Variants in TLN2 observed in about 807,000 individuals in gnomAD.
TLN2 encodes the protein talin 2, also known as talin-2.
Under a neutral mutation model 294.7 loss-of-function variants are expected in TLN2, and 118 were observed. The ratio of observed to expected loss-of-function variants is 0.40; its 90% confidence interval spans 0.34 to 0.47. TLN2 has a LOEUF of 0.47. Ranked by LOEUF, TLN2 falls within the 20% of genes least tolerant of loss-of-function variation. The probability of loss-of-function intolerance (pLI) is 0.84; values close to 1 mark genes in which losing one functional copy is unlikely to be tolerated. For synonymous variants in TLN2, 1,431 were observed against 1,304.5 expected, an observed-to-expected ratio of 1.10 and a Z score of -2.09; for missense variants, 3,083 against 3,282.2, an observed-to-expected ratio of 0.94 and a Z score of 1.48.
At chr15:62,804,720 T>C (rs1010580116) in intron 50 of TLN2, among the ~76,000 whole-genome samples, 5 of 152,174 alleles carry the variant, frequency 3.3e-5, no homozygotes, top group Admixed American at 6.5e-5. Flanking sequence ...TAATTGCAGT[T>C]GCCCATTTTC....
intron 44 of TLN2, among the ~76,000 whole-genome samples, chr15:62,782,028 A>G (rs1553103): frequency 0.98 from 149,738 of 152,374 alleles, 73,622 homozygotes; most frequent in Middle Eastern, 1. Flanking sequence ...CTCAGATGCC[A>G]TAAGATAAAA....
At chr15:62,702,979 CG>C in intron 19 of TLN2, 115 bp downstream of exon 19, 1 of 929,924 alleles carries the variant, frequency 1.1e-6, no homozygotes, top group African/African-American at 1.6e-5. Context: ...GTCAAGAATG[CG>C]ATTGAGATGG....
chr15:62,659,173 T>C (rs1346264626), intron 9 of TLN2, among the ~76,000 whole-genome samples: 1 of 152,206 alleles, frequency 6.6e-6, no homozygotes, highest in African/African-American at 2.4e-5. Flanking sequence ...CAACTAGTTC[T>C]CAGGACTCCC....
intron 45 of TLN2, chr15:62,784,273 G>T (rs1412315053): frequency 2.6e-5 from 9 of 345,732 alleles, no homozygotes; most frequent in Non-Finnish European, 4.7e-5. Flanking sequence ...GTTTTCCATA[G>T]GTTCACAGAA....
chr15:62,526,064 A>AT (rs532598294), intron 1 of TLN2, among the ~76,000 whole-genome samples: 4,934 of 152,224 alleles, frequency 0.032, 123 homozygotes, highest in Non-Finnish European at 0.05. Flanking sequence ...TATATTTATT[A>AT]TTTTTTCTTA....
intron 1 of TLN2, among the ~76,000 whole-genome samples, chr15:62,492,436 G>T (rs1595927837): frequency 6.6e-6 from 1 of 151,354 alleles, no homozygotes; most frequent in African/African-American, 2.4e-5. Flanking sequence ...GGGAGTGCCT[G>T]TAATCTCAGC....
rs377647866 is a variant in TLN2, at chr15:62,766,701, G to A, written c.5196+279G>A. Among the ~76,000 whole-genome samples, 70 of 152,274 alleles carry A rather than the reference G, an allele frequency of 4.6e-4. No homozygotes were observed. In the Middle Eastern group the frequency reaches 0.01, roughly 22 times the overall value. On this transcript the variant is annotated intron_variant, in intron 41 of 58. Transcript: ENST00000636159. ...TGTAATTTGGCATTTACAGTCATCC[G>A]TTGCAATCGACCTTTGCTGAAAGAA...
chr15:62,739,606 A>T, intron 31 of TLN2, 61 bp downstream of exon 31: 2 of 1,584,964 alleles, frequency 1.3e-6, no homozygotes, highest in Non-Finnish European at 1.7e-6. Context: ...TGGATAATCC[A>T]TCCTTGAGAC....
At chr15:62,680,625 G>A (rs866756104) in intron 11 of TLN2, among the ~76,000 whole-genome samples, 2 of 146,736 alleles carry the variant, frequency 1.4e-5, no homozygotes, top group East Asian at 2.0e-4. Context: ...CGTTTTTTTT[G>A]TTACATGGGT....
chr15:62,839,993 G>T (rs2070425566), intron 58 of TLN2, among the ~76,000 whole-genome samples: 1 of 152,158 alleles, frequency 6.6e-6, no homozygotes, highest in African/African-American at 2.4e-5. Flanking sequence ...ATCACACCTT[G>T]AAAGCGTGAA....
At position 62,840,485 on chromosome 15, in the gene TLN2, A is replaced by G. The variant is rs1243369987; in HGVS notation, c.7504A>G (p.Ile2502Val). 6.2e-7 allele frequency: 1 copy of G among 1,614,012 alleles called. No homozygotes were observed. The highest frequency in any genetic ancestry group is 1.7e-5 in the Admixed American group (1 of 59,986). ...TKFVGGIAQI[I>V]AAQEEMLKKE... ...CAGCTTGTTGCTTTCTTTCTAGATC[A>G]TCGCCGCCCAGGAAGAAATGCTAAA... Residue 2502 changes from isoleucine to valine, a missense_variant, in exon 59 of 59, where the codon ATC becomes GTC. Ile to Val is a conservative substitution (Grantham distance 29). Transcript: ENST00000636159.
At chr15:62,605,168 A>G (rs2047327589) in intron 2 of TLN2, among the ~76,000 whole-genome samples, 1 of 152,180 alleles carries the variant, frequency 6.6e-6, no homozygotes, top group South Asian at 2.1e-4. Context: ...AGTAGGTCAA[A>G]TTTTCTCATG....
At chr15:62,701,417 C>T (rs962806492) in intron 17 of TLN2, among the ~76,000 whole-genome samples, 4 of 152,134 alleles carry the variant, frequency 2.6e-5, no homozygotes, top group Non-Finnish European at 5.9e-5. Context: ...TGCTTTTTGC[C>T]TGTATCATGC....
intron 45 of TLN2, 79 bp downstream of exon 45, chr15:62,783,969 C>A: frequency 6.3e-7 from 1 of 1,589,116 alleles, no homozygotes; most frequent in South Asian, 1.1e-5. Context: ...CATAGCTTAG[C>A]TCCACTCTGG....
rs570385407 is a variant in TLN2 at position 62,634,210 on chromosome 15, T to C, written c.-36-13065T>C. Among the ~76,000 whole-genome samples, 6 of 152,314 alleles carry C rather than the reference T, an allele frequency of 3.9e-5. No individual in the cohort carries two copies. The South Asian group carries it at 1.2e-3, about 32-fold the overall frequency. On this transcript the variant is annotated intron_variant, in intron 3 of 58. Transcript: ENST00000636159. ...TGGAGGACAAGATGAATATCAATTT[T>C]GTAGGTTGGTGCTGACAGATGACAC...
At chr15:62,580,204 G>C (rs568710605) in intron 1 of TLN2, among the ~76,000 whole-genome samples, 1 of 152,100 alleles carries the variant, frequency 6.6e-6, no homozygotes, top group East Asian at 1.9e-4. Context: ...TTATTTCTTC[G>C]GAGCAGTTTT....
At chr15:62,639,435 T>C (rs1004941183) in intron 3 of TLN2, among the ~76,000 whole-genome samples, 1 of 152,188 alleles carries the variant, frequency 6.6e-6, no homozygotes, top group Non-Finnish European at 1.5e-5. Context: ...TGGTTAATTA[T>C]TTCTCCTTTG....
At chr15:62,487,123 C>T (rs562808667) in intron 1 of TLN2, among the ~76,000 whole-genome samples, 1 of 152,346 alleles carries the variant, frequency 6.6e-6, no homozygotes, top group East Asian at 1.9e-4. Flanking sequence ...CCTCCTAGCA[C>T]ATTTGACAGT....
intron 1 of TLN2, among the ~76,000 whole-genome samples, chr15:62,412,008 G>A (rs1351917629): frequency 6.6e-6 from 1 of 152,170 alleles, no homozygotes; most frequent in Non-Finnish European, 1.5e-5. Context: ...GCATGCTCTG[G>A]CGTATTTAAC....
Sources: gnomAD v4.1 joint callset for allele counts (sites outside exome capture counted in the v4.1 genomes callset) on GRCh38, gnomAD v4.1.1 for gene constraint, MANE v1.5 for transcripts, NCBI Gene and HGNC (gene_info 2026-07-23, HGNC 2026-07-21) for gene names.